The following BMS1 variants were observed in gnomAD, a reference collection of about 807,000 sequenced individuals.
BMS1 encodes BMS1 ribosome biogenesis factor, also known as ribosome biogenesis protein BMS1 homolog.
In BMS1, 53 loss-of-function variants were observed where a neutral mutation model predicts 138.7. The observed-to-expected ratio is 0.38, with a 90% CI of 0.31 to 0.48. The LOEUF is 0.48. Ranked by LOEUF, BMS1 falls within the 20% of genes least tolerant of loss-of-function variation. The probability of loss-of-function intolerance (pLI) is 0.97; values close to 1 mark genes in which losing one functional copy is unlikely to be tolerated. For synonymous variants in BMS1, 504 were observed against 539.9 expected, an observed-to-expected ratio of 0.93 and a Z score of 0.92; for missense variants, 1,360 against 1,565.5, an observed-to-expected ratio of 0.87 and a Z score of 2.22.
chr10:42,823,662 C>T lies in BMS1; in HGVS notation c.3334C>T (p.Pro1112Ser). Residue 1112 changes from proline (P) to serine (S), a missense_variant, in exon 21 of 23, where the codon CCA (proline) becomes TCA (serine). By Grantham distance (74) the Pro-to-Ser change is moderately conservative. Coordinates refer to ENST00000374518, the MANE Select transcript of BMS1 (RefSeq NM_014753.4). ...YPVSIPAFYNPVTSLLKPVGE... is the reference protein window; with the variant it reads ...YPVSIPAFYNSVTSLLKPVGE... ...TGTTTCCATCCCAGCGTTCTATAACCCAGTAACATCTTTGTTGAAACCAGT... is the reference window on the plus strand; with the variant it reads ...TGTTTCCATCCCAGCGTTCTATAACTCAGTAACATCTTTGTTGAAACCAGT... 1.3e-6 allele frequency: 2 copies of T among 1,595,282 alleles called. No individual in the cohort carries two copies. The highest frequency in any genetic ancestry group is 1.1e-5 in the South Asian group (1 of 90,652).
chr10:42,792,822 C>T (rs1841552283), intron 7 of BMS1, 135 bp from the exon 8 acceptor site: 3 of 1,281,766 alleles, frequency 2.3e-6, no homozygotes, highest in Non-Finnish European at 3.2e-6. Flanking sequence ...GCCACTGTTC[C>T]AGTGTGGCAC....
rs1387246714 is a variant in BMS1 at position 42,833,044 on chromosome 10, GTATT to G, written c.*1952_*1955del. 1.2e-4 allele frequency: 19 copies of G among 152,260 alleles called. No homozygotes were observed. The East Asian group carries it at 3.5e-3, about 28-fold the overall frequency. 9.4% of individuals were successfully genotyped at this position (152,260 alleles called of 1,614,324 possible). A position where few individuals can be genotyped will look rare whatever the true frequency, so the allele number is the denominator to read the frequency against. The stretch of plus-strand genomic sequence containing the variant: ...GTTCAAAGAGAAGCATTGCAAATAA[GTATT>G]TATAATTGTATAGTTTTATATTTTA... On this transcript the variant is annotated 3_prime_UTR_variant, in exon 23 of 23. Coordinates refer to ENST00000374518, the MANE Select transcript of BMS1 (RefSeq NM_014753.4).
chr10:42,789,680 G>A (rs1353951421), intron 4 of BMS1, among the ~76,000 whole-genome samples: 1 of 151,604 alleles, frequency 6.6e-6, no homozygotes, highest in East Asian at 1.9e-4. Flanking sequence ...ATAAGATAGA[G>A]GTTTCCACTG....
At position 42,785,565 on chromosome 10, in the gene BMS1, T is replaced by C. The variant is rs201298233; in HGVS notation, c.260T>C (p.Val87Ala). 8.3e-5 allele frequency: 134 copies of C among 1,613,946 alleles called. No homozygotes were observed. In the East Asian group the frequency reaches 2.1e-3, roughly 25 times the overall value. ...GAGCCCCCACCAATAGTGGTAGTGG[T>C]GATGGGACCTCCAAAAGTTGGAAAG... ...PLEPPPIVVV[V>A]MGPPKVGKST... Residue 87 changes from valine (V) to alanine (A), a missense_variant, in exon 3 of 23, where the codon GTG (valine) becomes GCG (alanine). Coordinates refer to ENST00000374518, the MANE Select transcript of BMS1 (RefSeq NM_014753.4).
Position 42,816,637 on chromosome 10 carries a change from G to A in BMS1, c.2368G>A (p.Asp790Asn). ...TGACTTTGAAGACTTGGAAACAGGG[G>A]ACGTGCACAAGGGAAAATCAGGCCC... ...YGDFEDLETG[D>N]VHKGKSGPNT... Residue 790 changes from aspartate to asparagine, a missense_variant, in exon 14 of 23, where the codon GAC (aspartate) becomes AAC (asparagine). Physicochemically the swap from Asp to Asn is conservative, Grantham distance 23 (BLOSUM62 1). Transcript: ENST00000374518. 6.2e-7 allele frequency: 1 copy of A among 1,611,608 alleles called. No homozygotes were observed. The highest frequency in any genetic ancestry group is 8.5e-7 in the Non-Finnish European group (1 of 1,179,696).
chr10:42,829,228 C>T (rs965662136), intron 21 of BMS1, among the ~76,000 whole-genome samples: 1 of 151,916 alleles, frequency 6.6e-6, no homozygotes, highest in Admixed American at 6.6e-5. Context: ...AAGAGAATGG[C>T]GTGAACCCAG....
chr10:42,787,061 G>T, intron 3 of BMS1, 107 bp from the exon 4 acceptor site: 1 of 828,152 alleles, frequency 1.2e-6, no homozygotes, highest in South Asian at 1.4e-5. Flanking sequence ...TCCTGTAAAT[G>T]TATATGATGT....
At position 42,793,093 on chromosome 10, in the gene BMS1, G is replaced by C. The variant is rs1394830193; in HGVS notation, c.1038G>C (p.Leu346=). 1 of 1,613,782 alleles carries C rather than the reference G, an allele frequency of 6.2e-7. No homozygotes were observed. The highest frequency in any genetic ancestry group is 8.5e-7 in the Non-Finnish European group (1 of 1,179,906). ...YAPLSGVGGV[L]YDKDAVYVDL... ...CTCTTTCTGGAGTTGGGGGTGTGCT[G>C]TATGACAAAGACGCTGTCTATGTTG... The change falls in exon 8 of 23, where the codon CTG becomes CTC. Residue 346 remains leucine, a synonymous_variant. Transcript: ENST00000374518.
In BMS1 at chr10:42,787,379, G is replaced by A. The variant is rs1841369352; in HGVS notation, c.447+132G>A. 1.3e-5 allele frequency: 10 copies of A among 743,618 alleles called. No homozygotes were observed. In the South Asian group the frequency reaches 1.5e-4, roughly 11 times the overall value. The allele number at this position is 743,618 out of a possible 1,614,324, so 46.1% of individuals were successfully genotyped here. ...CATGGTCATCATCAGTGATACGGTA[G>A]ATATGATTGAATTGATGATAATTAT... On this transcript the variant is annotated intron_variant, in intron 4 of 22. Coordinates refer to ENST00000374518, the MANE Select transcript of BMS1 (RefSeq NM_014753.4).
chr10:42,789,532 TA>T (rs1446261177), intron 4 of BMS1, among the ~76,000 whole-genome samples: 14 of 152,156 alleles, frequency 9.2e-5, no homozygotes, highest in African/African-American at 3.1e-4. Flanking sequence ...TCTTAAATTT[TA>T]AAAATTGGTC....
intron 10 of BMS1, 91 bp downstream of exon 10, chr10:42,797,322 G>A (rs1841721201): frequency 6.3e-7 from 1 of 1,577,912 alleles, no homozygotes; most frequent in Admixed American, 1.8e-5. Flanking sequence ...TGTTGATTCT[G>A]TGATTTTGTT....
At chr10:42,813,287 G>A (rs1447452472) in intron 13 of BMS1, among the ~76,000 whole-genome samples, 4 of 152,096 alleles carry the variant, frequency 2.6e-5, no homozygotes, top group African/African-American at 9.7e-5. Context: ...TTACATTTAA[G>A]GTGCTTATTG....
At chr10:42,788,919 T>A (rs1474535133) in intron 4 of BMS1, among the ~76,000 whole-genome samples, 1 of 152,200 alleles carries the variant, frequency 6.6e-6, no homozygotes, top group Non-Finnish European at 1.5e-5. Context: ...TTTCATATAA[T>A]GTATTTTGGA....
intron 21 of BMS1, among the ~76,000 whole-genome samples, chr10:42,824,063 A>G (rs979727356): frequency 1.3e-5 from 2 of 152,236 alleles, no homozygotes; most frequent in African/African-American, 4.8e-5. Context: ...AAGGATACAT[A>G]TAGATAGTAA....
intron 13 of BMS1, among the ~76,000 whole-genome samples, chr10:42,815,143 C>T (rs1162777498): frequency 6.6e-6 from 1 of 152,166 alleles, no homozygotes; most frequent in Admixed American, 6.5e-5. Flanking sequence ...CAGGTTGTAA[C>T]TGTGCTAAAG....
Position 42,822,092 on chromosome 10 carries a change from G to A in BMS1, c.3040G>A (p.Val1014Ile), listed in dbSNP as rs201690779. ...TTTTCGGATAGCTGCTACAGGAGTTGTCCTTGATCTGGATAAATCCATAAA... is the reference window on the plus strand; with the variant it reads ...TTTTCGGATAGCTGCTACAGGAGTTATCCTTGATCTGGATAAATCCATAAA... ...PDFRIAATGV[V>I]LDLDKSIKIV... The change falls in exon 19 of 23, where the codon GTC (valine) becomes ATC (isoleucine). Residue 1014 changes from valine (V) to isoleucine (I), a missense_variant. By Grantham distance (29) the Val-to-Ile change is conservative (BLOSUM62 3). This residue lies in a region of BMS1 where 425 missense variants were observed against 568.3 expected (regional missense o/e 0.75). Coordinates refer to ENST00000374518, the MANE Select transcript of BMS1 (RefSeq NM_014753.4). The A allele has an allele frequency of 1.3e-6, 2 of 1,592,460 alleles. No individual in the cohort carries two copies. The highest frequency in any genetic ancestry group is 8.5e-7 in the Non-Finnish European group (1 of 1,176,414).
intron 7 of BMS1, 92 bp from the exon 8 acceptor site, chr10:42,792,865 T>C: frequency 7.0e-7 from 1 of 1,435,746 alleles, no homozygotes; most frequent in Non-Finnish European, 9.4e-7. Flanking sequence ...GGTTAAGCCC[T>C]TGGACTGTGG....
Position 42,791,628 on chromosome 10 carries a change from G to T in BMS1, c.638G>T (p.Gly213Val). Residue 213 changes from glycine (G) to valine (V), a missense_variant and splice_region_variant, in exon 6 of 23, where the codon GGT becomes GTT. Physicochemically the swap from Gly to Val is moderately radical, Grantham distance 109 (BLOSUM62 -3). Transcript: ENST00000374518. ...TTTTAATTTTCCTCTAATGTTTAGG[G>T]TGCCAAGCTGTTCTACCTTTCTGGA... ...KHRFWTEVYP[G>V]AKLFYLSGMV... 6.2e-7 allele frequency: 1 copy of T among 1,601,528 alleles called. No homozygotes were observed. Among genetic ancestry groups the T allele is most frequent in the South Asian group, 1.1e-5 (1 of 87,826 alleles).
intron 15 of BMS1, among the ~76,000 whole-genome samples, chr10:42,817,774 A>G (rs1418084811): frequency 6.6e-6 from 1 of 152,238 alleles, no homozygotes; most frequent in Non-Finnish European, 1.5e-5. Flanking sequence ...CTTTTGAGAC[A>G]TGGTCTTACA....
Sources: allele counts gnomAD v4.1 joint callset (sites outside exome capture counted in the v4.1 genomes callset), GRCh38; gene constraint gnomAD v4.1.1; regional missense constraint gnomAD v4.1.1; transcripts MANE v1.5; gene names NCBI Gene and HGNC (gene_info 2026-07-23, HGNC 2026-07-21).